Variants in KCNIP1 observed in about 807,000 individuals in gnomAD.
KCNIP1 encodes the protein potassium voltage-gated channel interacting protein 1.
Under a neutral mutation model 33.0 loss-of-function variants are expected in KCNIP1, and 18 were observed. That is an observed-to-expected ratio of 0.55 (90% confidence interval 0.38 to 0.81). The LOEUF is 0.81. Ranked by LOEUF, KCNIP1 falls within the 30% of genes least tolerant of loss-of-function variation. The probability of loss-of-function intolerance (pLI) is 0.00; values close to 1 mark genes in which losing one functional copy is unlikely to be tolerated. For synonymous variants in KCNIP1, 93 were observed against 98.3 expected, an observed-to-expected ratio of 0.95 and a Z score of 0.32; for missense variants, 238 against 271.6, an observed-to-expected ratio of 0.88 and a Z score of 0.87.
chr5:170,415,788 C>A (rs560074414), intron 1 of KCNIP1, among the ~76,000 whole-genome samples: 1 of 152,286 alleles, frequency 6.6e-6, no homozygotes, highest in Admixed American at 6.5e-5. Flanking sequence ...AAGTCCCTGG[C>A]ACTCAATAGG....
chr5:170,471,404 A>G (rs968938492), intron 1 of KCNIP1, among the ~76,000 whole-genome samples: 2 of 152,364 alleles, frequency 1.3e-5, no homozygotes, highest in Admixed American at 6.5e-5. Context: ...CAATGTCTGC[A>G]GACCAGATCG....
intron 1 of KCNIP1, among the ~76,000 whole-genome samples, chr5:170,565,276 A>G (rs1239228799): frequency 6.6e-6 from 1 of 152,164 alleles, no homozygotes; most frequent in African/African-American, 2.4e-5. Flanking sequence ...GTCTGAGAGT[A>G]GCCATGGGCC....
chr5:170,608,099 C>A (rs1384718326), intron 1 of KCNIP1, among the ~76,000 whole-genome samples: 1 of 152,098 alleles, frequency 6.6e-6, no homozygotes, highest in Non-Finnish European at 1.5e-5. Context: ...GACCCAGAAG[C>A]CTGTGACACA....
intron 1 of KCNIP1, among the ~76,000 whole-genome samples, chr5:170,648,852 C>T (rs772714281): frequency 2.4e-4 from 37 of 151,986 alleles, no homozygotes; most frequent in Non-Finnish European, 1.8e-4. Context: ...TGTGCATGTG[C>T]GGGAGTAGGG....
intron 1 of KCNIP1, among the ~76,000 whole-genome samples, chr5:170,456,991 C>T (rs1161682619): frequency 2.0e-5 from 3 of 152,030 alleles, no homozygotes; most frequent in Non-Finnish European, 4.4e-5. Context: ...AAATGCTGAG[C>T]CACCACACCC....
intron 1 of KCNIP1, chr5:170,378,993 C>A: frequency 6.2e-7 from 1 of 1,608,128 alleles, no homozygotes. Flanking sequence ...GAAACAAGAG[C>A]AGCTGTGGGC....
chr5:170,390,536 A>ATTTT (rs1489609535), intron 1 of KCNIP1, among the ~76,000 whole-genome samples: 16 of 136,388 alleles, frequency 1.2e-4, no homozygotes, highest in Middle Eastern at 3.7e-3. Flanking sequence ...ATATATATAT[A>ATTTT]TATTTTCAAC....
At chr5:170,397,707 A>G (rs1232927177) in intron 1 of KCNIP1, among the ~76,000 whole-genome samples, 1 of 152,168 alleles carries the variant, frequency 6.6e-6, no homozygotes, top group Non-Finnish European at 1.5e-5. Flanking sequence ...ATATTTGAAG[A>G]TATTTATTCT....
chr5:170,691,777 G>T (rs537000338), intron 1 of KCNIP1, among the ~76,000 whole-genome samples: 1 of 152,172 alleles, frequency 6.6e-6, no homozygotes, highest in South Asian at 2.1e-4. Context: ...AGGGTCCCCT[G>T]AGCGTTCCTC....
At chr5:170,511,902 C>T (rs906013780) in intron 1 of KCNIP1, among the ~76,000 whole-genome samples, 4 of 152,148 alleles carry the variant, frequency 2.6e-5, no homozygotes, top group Admixed American at 2.0e-4. Flanking sequence ...ACAGTCAAAA[C>T]GGGTGCATGG....
intron 1 of KCNIP1, among the ~76,000 whole-genome samples, chr5:170,697,231 G>A (rs1166945388): frequency 6.6e-6 from 1 of 152,084 alleles, no homozygotes; most frequent in Non-Finnish European, 1.5e-5. Flanking sequence ...CCATCCCAGA[G>A]CACCAAATAG....
At chr5:170,478,162 G>A (rs1192857096) in intron 1 of KCNIP1, among the ~76,000 whole-genome samples, 1 of 152,214 alleles carries the variant, frequency 6.6e-6, no homozygotes, top group African/African-American at 2.4e-5. Context: ...TCAAATGATA[G>A]AAGGCCTGGG....
chr5:170,615,193 C>T (rs149313411), intron 1 of KCNIP1, among the ~76,000 whole-genome samples: 186 of 152,212 alleles, frequency 1.2e-3, no homozygotes, highest in African/African-American at 4.2e-3. Flanking sequence ...CCAGCCTGGG[C>T]GACAGAGTGG....
At chr5:170,612,199 G>A (rs970699218) in intron 1 of KCNIP1, among the ~76,000 whole-genome samples, 2 of 152,126 alleles carry the variant, frequency 1.3e-5, no homozygotes, top group Non-Finnish European at 2.9e-5. Flanking sequence ...ACGCACGAGG[G>A]GCCAGAAAAC....
At chr5:170,720,431 C>A in intron 3 of KCNIP1, 41 bp downstream of exon 3, 1 of 1,475,812 alleles carries the variant, frequency 6.8e-7, no homozygotes, top group Admixed American at 1.7e-5. Flanking sequence ...AGCTCCCTCT[C>A]TGGTAAGCAG....
intron 1 of KCNIP1, among the ~76,000 whole-genome samples, chr5:170,541,400 A>G (rs1756206202): frequency 1.3e-5 from 2 of 152,156 alleles, no homozygotes; most frequent in South Asian, 4.2e-4. Flanking sequence ...ACTCATAATC[A>G]GCTTTTAGCT....
exon 1 of KCNIP1, chr5:170,353,619 G>A (rs113883857): frequency 2.1e-5 from 12 of 558,210 alleles, no homozygotes; most frequent in South Asian, 2.1e-4. Context: ...GGCATCCTGA[G>A]GTCCTCCCGT....
At chr5:170,433,889 T>C (rs1386843267) in intron 1 of KCNIP1, among the ~76,000 whole-genome samples, 1 of 152,130 alleles carries the variant, frequency 6.6e-6, no homozygotes, top group Non-Finnish European at 1.5e-5. Context: ...GGGGACCCTC[T>C]TCCAGGCCCA....
chr5:170,597,258 C>CTA (rs1758470971), intron 1 of KCNIP1, among the ~76,000 whole-genome samples: 1 of 152,182 alleles, frequency 6.6e-6, no homozygotes, highest in Non-Finnish European at 1.5e-5. Flanking sequence ...TGCAGCAATC[C>CTA]TATGACTCAA....
Sources: gnomAD v4.1 joint callset for allele counts (sites outside exome capture counted in the v4.1 genomes callset) on GRCh38, gnomAD v4.1.1 for gene constraint, MANE v1.5 for transcripts, NCBI Gene and HGNC (gene_info 2026-07-23, HGNC 2026-07-21) for gene names.